The following TTC23 variants were observed in gnomAD, a reference collection of about 807,000 sequenced individuals.
The protein encoded by TTC23 is tetratricopeptide repeat domain 23, also known as tetratricopeptide repeat protein 23.
Under a neutral mutation model 55.1 loss-of-function variants are expected in TTC23, and 58 were observed. The observed-to-expected ratio is 1.05, with a 90% CI of 0.85 to 1.31. The LOEUF is 1.31. Among genes scored for constraint, TTC23 ranks in the 50% most tolerant of loss-of-function variants. The probability of loss-of-function intolerance (pLI) is 0.00; values close to 1 mark genes in which losing one functional copy is unlikely to be tolerated. For synonymous variants in TTC23, 203 were observed against 199.9 expected, an observed-to-expected ratio of 1.02 and a Z score of -0.13; for missense variants, 516 against 534.4, an observed-to-expected ratio of 0.97 and a Z score of 0.34.
Position 99,139,398 on chromosome 15 carries a change from C to T in TTC23, c.1145G>A (p.Cys382Tyr). ...HSGARKKLKK[C>Y]LQIQTLLYGP... ...ATATAAGAGGGTCTGGATCTGGAGA[C>T]ACTGTAGAACACCAAGCAGCTATCA... The change falls in exon 13 of 14, where the codon TGT becomes TAT. Residue 382 changes from cysteine to tyrosine, a missense_variant and splice_region_variant. Coordinates refer to ENST00000394132, the MANE Select transcript of TTC23 (RefSeq NM_001288615.3). The T allele has an allele frequency of 5.6e-6, 9 of 1,614,140 alleles. No homozygotes were observed. The Middle Eastern group carries it at 4.9e-4, about 89-fold the overall frequency.
chr15:99,234,496 G>A (rs927638719), intron 4 of TTC23, among the ~76,000 whole-genome samples: 2 of 152,110 alleles, frequency 1.3e-5, no homozygotes, highest in Non-Finnish European at 2.9e-5. Context: ...TCAGCCTCCT[G>A]AGCAGCTGGG....
intron 1 of TTC23, among the ~76,000 whole-genome samples, chr15:99,245,891 A>C (rs1597078190): frequency 7.0e-6 from 1 of 143,744 alleles, no homozygotes; most frequent in Admixed American, 7.3e-5. Flanking sequence ...TGCAACCTCC[A>C]CCTCCCAGGT....
At chr15:99,170,564 C>T (rs188036588) in intron 10 of TTC23, among the ~76,000 whole-genome samples, 15 of 152,312 alleles carry the variant, frequency 9.8e-5, no homozygotes, top group African/African-American at 2.9e-4. Context: ...AAGTGACCAA[C>T]GTCCAGGTCA....
rs1225648677 is a variant in TTC23 at position 99,138,399 on chromosome 15, C to T, written c.1227-272G>A. 2.6e-5 allele frequency among the ~76,000 whole-genome samples: 4 copies of T among 152,072 alleles called. No individual in the cohort carries two copies. In the East Asian group the frequency reaches 5.8e-4, roughly 22 times the overall value. Reference sequence around the variant, plus strand: ...CCCCATCTCGGCTCCCTGCAACTTCCGCCTCCCAGGTTCAAGCAACTCTCA... The same window carrying T: ...CCCCATCTCGGCTCCCTGCAACTTCTGCCTCCCAGGTTCAAGCAACTCTCA... On this transcript the variant is annotated intron_variant, in intron 13 of 13. Coordinates refer to ENST00000394132, the MANE Select transcript of TTC23 (RefSeq NM_001288615.3).
intron 8 of TTC23, among the ~76,000 whole-genome samples, chr15:99,217,315 G>A (rs1455874753): frequency 6.6e-6 from 1 of 151,820 alleles, no homozygotes; most frequent in African/African-American, 2.4e-5. Context: ...GCGCCACCAC[G>A]CCTGGCTAAT....
At chr15:99,247,739 G>GGATGATGAAAATTTTCTAAATTTTCTAA (rs2080378295) in intron 1 of TTC23, among the ~76,000 whole-genome samples, 6 of 151,714 alleles carry the variant, frequency 4.0e-5, no homozygotes, top group Admixed American at 3.9e-4. Flanking sequence ...TATTTTTTTA[G>GGATGATGAAAATTTTCTAAATTTTCTAA]GATGATGAAA....
At chr15:99,152,401 C>G (rs1439282328) in intron 12 of TTC23, among the ~76,000 whole-genome samples, 3 of 152,134 alleles carry the variant, frequency 2.0e-5, no homozygotes, top group African/African-American at 4.8e-5. Flanking sequence ...GAGATGGAGT[C>G]TTTCTTGCTC....
At chr15:99,189,618 G>C (rs1256165272) in intron 9 of TTC23, among the ~76,000 whole-genome samples, 1 of 152,112 alleles carries the variant, frequency 6.6e-6, no homozygotes, top group Non-Finnish European at 1.5e-5. Flanking sequence ...TAGTATTCTA[G>C]CTCGGCATGC....
intron 8 of TTC23, among the ~76,000 whole-genome samples, chr15:99,204,465 C>T (rs1478301573): frequency 6.6e-6 from 1 of 151,920 alleles, no homozygotes; most frequent in Non-Finnish European, 1.5e-5. Flanking sequence ...GTTTCCTTTG[C>T]TGTGCAGAAG....
intron 9 of TTC23, among the ~76,000 whole-genome samples, chr15:99,179,141 C>T (rs986216144): frequency 7.2e-5 from 11 of 152,212 alleles, no homozygotes; most frequent in East Asian, 1.9e-4. Context: ...GTCCAGCCAA[C>T]GACCTAGCCA....
At chr15:99,194,904 GC>G (rs1308569203) in intron 9 of TTC23, among the ~76,000 whole-genome samples, 1 of 152,124 alleles carries the variant, frequency 6.6e-6, no homozygotes. Context: ...TTGCACTCTG[GC>G]CTGGGCAACA....
intron 10 of TTC23, among the ~76,000 whole-genome samples, chr15:99,168,941 C>G (rs1339188441): frequency 2.0e-5 from 3 of 152,166 alleles, no homozygotes; most frequent in Non-Finnish European, 4.4e-5. Flanking sequence ...CATTCTAGGC[C>G]TTGCTTGGCC....
At chr15:99,197,779 G>A (rs994303564) in intron 9 of TTC23, among the ~76,000 whole-genome samples, 3 of 151,824 alleles carry the variant, frequency 2.0e-5, no homozygotes, top group Non-Finnish European at 4.4e-5. Context: ...GGTGGCGGGC[G>A]CCTGTAATCC....
At chr15:99,246,955 A>G (rs914413880) in intron 1 of TTC23, among the ~76,000 whole-genome samples, 2 of 152,108 alleles carry the variant, frequency 1.3e-5, no homozygotes, top group African/African-American at 4.8e-5. Context: ...AACCAAAAAA[A>G]CCAAAAAACA....
At chr15:99,226,737 A>G (rs991124943) in intron 5 of TTC23, among the ~76,000 whole-genome samples, 2 of 152,028 alleles carry the variant, frequency 1.3e-5, no homozygotes, top group African/African-American at 4.8e-5. Context: ...CAGCTCCTCC[A>G]CACTGGCTCT....
intron 6 of TTC23, among the ~76,000 whole-genome samples, chr15:99,220,992 A>C (rs1350259365): frequency 6.6e-6 from 1 of 152,242 alleles, no homozygotes; most frequent in Admixed American, 6.5e-5. Context: ...CAATGAAGCC[A>C]AAAGAAAGGT....
At chr15:99,174,265 C>T (rs1596402280) in intron 10 of TTC23, among the ~76,000 whole-genome samples, 1 of 152,182 alleles carries the variant, frequency 6.6e-6, no homozygotes, top group Non-Finnish European at 1.5e-5. Context: ...TTTCCCTTCA[C>T]CTTCTCCCAT....
At chr15:99,248,831 T>C (rs144742894) in intron 1 of TTC23, among the ~76,000 whole-genome samples, 184 of 152,350 alleles carry the variant, frequency 1.2e-3, no homozygotes, top group Middle Eastern at 3.4e-3. Context: ...TTTTGAAATA[T>C]GATTGCTGGA....
chr15:99,247,892 T>G (rs913806039), intron 1 of TTC23, among the ~76,000 whole-genome samples: 1 of 152,174 alleles, frequency 6.6e-6, no homozygotes, highest in Admixed American at 6.5e-5. Flanking sequence ...CATTGAGTTA[T>G]ATCCTTAAGA....
Sources: gnomAD v4.1 joint callset for allele counts (sites outside exome capture counted in the v4.1 genomes callset) on GRCh38, gnomAD v4.1.1 for gene constraint, MANE v1.5 for transcripts, NCBI Gene and HGNC (gene_info 2026-07-23, HGNC 2026-07-21) for gene names.